The following PPFIA2 variants were observed in gnomAD, a reference collection of about 807,000 sequenced individuals.
The protein encoded by PPFIA2 is PPFI scaffold protein A2.
In PPFIA2, 46 loss-of-function variants were observed where a neutral mutation model predicts 175.5. The observed-to-expected ratio is 0.26, with a 90% CI of 0.21 to 0.34. The LOEUF is 0.34. PPFIA2 is among the 10% of genes least tolerant of loss of function. PPFIA2 has a pLI of 1.00. For missense variants in PPFIA2, 1,179 were observed against 1,506.1 expected (o/e 0.78, Z 3.60); for synonymous variants, 568 against 511.4 (o/e 1.11, Z -1.49).
In PPFIA2 at chr12:81,450,994, A is replaced by T. The variant is rs149793492; in HGVS notation, c.406-5274T>A. 2.6e-4 allele frequency among the ~76,000 whole-genome samples: 40 copies of T among 152,254 alleles called. No individual in the cohort carries two copies. The East Asian group carries it at 7.0e-3, about 27-fold the overall frequency. ...AGTTTCTTTCTTGGAATAGCTATGG[A>T]TCCATGTATGTAAGTCCAGAAACCA... On this transcript the variant is annotated intron_variant, in intron 5 of 32. Coordinates refer to ENST00000549396, the MANE Select transcript of PPFIA2 (RefSeq NM_003625.5).
chr12:81,648,524 T>C (rs969088384), intron 4 of PPFIA2, among the ~76,000 whole-genome samples: 2 of 151,944 alleles, frequency 1.3e-5, no homozygotes, highest in African/African-American at 4.8e-5. Context: ...TATTCCATAT[T>C]CATGGATCAG....
intron 4 of PPFIA2, among the ~76,000 whole-genome samples, chr12:81,648,486 T>A (rs1389609413): frequency 1.3e-5 from 2 of 151,814 alleles, no homozygotes; most frequent in African/African-American, 2.4e-5. Context: ...TTTGAGAAAA[T>A]TTTAAAAGAC....
intron 30 of PPFIA2, among the ~76,000 whole-genome samples, chr12:81,265,291 C>CAAAAAAAAAAA (rs571821814): frequency 2.9e-5 from 2 of 69,988 alleles, no homozygotes; most frequent in African/African-American, 1.3e-4. Flanking sequence ...GAAACTCTGT[C>CAAAAAAAAAAA]AAAAAAAAAA....
At chr12:81,421,461 TA>T (rs1351316786) in intron 7 of PPFIA2, among the ~76,000 whole-genome samples, 1 of 151,840 alleles carries the variant, frequency 6.6e-6, no homozygotes, top group Admixed American at 6.6e-5. Flanking sequence ...GCTATTAACT[TA>T]AAAAAGACTG....
chr12:81,753,403 C>T (rs2084144890), intron 3 of PPFIA2, among the ~76,000 whole-genome samples: 1 of 151,282 alleles, frequency 6.6e-6, no homozygotes, highest in African/African-American at 2.4e-5. Context: ...TTAACTTTTT[C>T]CCTTTCACCA....
At chr12:81,349,471 G>A (rs1021322187) in intron 17 of PPFIA2, among the ~76,000 whole-genome samples, 1 of 152,038 alleles carries the variant, frequency 6.6e-6, no homozygotes, top group South Asian at 2.1e-4. Context: ...TCACCCCAAG[G>A]TCAGAACTCC....
chr12:81,338,503 C>T (rs1283461275), intron 21 of PPFIA2, among the ~76,000 whole-genome samples: 1 of 151,934 alleles, frequency 6.6e-6, no homozygotes, highest in Non-Finnish European at 1.5e-5. Context: ...CTGACAATAA[C>T]TAATTATAAC....
intron 4 of PPFIA2, among the ~76,000 whole-genome samples, chr12:81,618,559 C>T (rs1366897595): frequency 1.8e-5 from 2 of 112,028 alleles, no homozygotes; most frequent in African/African-American, 3.6e-5. Flanking sequence ...GATGGAGTGT[C>T]GCTCTGTCGC....
intron 5 of PPFIA2, among the ~76,000 whole-genome samples, chr12:81,447,091 G>A (rs537626685): frequency 6.6e-6 from 1 of 151,996 alleles, no homozygotes; most frequent in African/African-American, 2.4e-5. Flanking sequence ...GAGGTCAGGA[G>A]ATCGAGACCA....
In PPFIA2 at chr12:81,758,427, T is replaced by C. The variant is rs2153671968; in HGVS notation, c.-30A>G. ...AATGTCTGTGATTTCGGGTCCTTGC[T>C]TCTTCAATTGATCAATGACAACCGC... On this transcript the variant is annotated 5_prime_UTR_variant, in exon 2 of 33. Coordinates refer to ENST00000549396, the MANE Select transcript of PPFIA2 (RefSeq NM_003625.5). 2.2e-6 allele frequency: 1 copy of C among 456,606 alleles called. No individual in the cohort carries two copies. Among genetic ancestry groups the C allele is most frequent in the South Asian group, 1.5e-5 (1 of 64,568 alleles). 28.3% of individuals were successfully genotyped at this position (456,606 alleles called of 1,614,324 possible).
At chr12:81,567,858 T>C (rs763159246) in intron 4 of PPFIA2, among the ~76,000 whole-genome samples, 1 of 152,190 alleles carries the variant, frequency 6.6e-6, no homozygotes, top group Non-Finnish European at 1.5e-5. Context: ...TTATTGAACC[T>C]CGGTGGAAAA....
chr12:81,680,441 C>T (rs939135159), intron 3 of PPFIA2, among the ~76,000 whole-genome samples: 8 of 151,800 alleles, frequency 5.3e-5, no homozygotes, highest in Admixed American at 4.6e-4. Context: ...GACTCCAAAC[C>T]TGTATTTTTT....
chr12:81,458,202 C>A (rs146224295), intron 4 of PPFIA2, among the ~76,000 whole-genome samples: 2 of 152,236 alleles, frequency 1.3e-5, no homozygotes, highest in African/African-American at 4.8e-5. Flanking sequence ...CTCCCAAAAT[C>A]TTACACTTTA....
At chr12:81,477,076 G>C (rs2057569180) in intron 4 of PPFIA2, among the ~76,000 whole-genome samples, 1 of 152,090 alleles carries the variant, frequency 6.6e-6, no homozygotes, top group South Asian at 2.1e-4. Context: ...GGGGAAGGGA[G>C]AGCATCAGGA....
Position 81,468,593 on chromosome 12 carries a change from T to C in PPFIA2, c.304-10727A>G, listed in dbSNP as rs117454026. 3.5e-3 allele frequency among the ~76,000 whole-genome samples: 537 copies of C among 152,198 alleles called. 2 individuals carry two copies. Among genetic ancestry groups the C allele is most frequent in the Non-Finnish European group, 6.1e-3 (417 of 68,020 alleles). On this transcript the variant is annotated intron_variant, in intron 4 of 32. Transcript: ENST00000549396. ...ATAGCATTCGAGCTGAATATTTAAA[T>C]CTCCCAACATAGCTCAACAAAGCTC...
intron 4 of PPFIA2, among the ~76,000 whole-genome samples, chr12:81,616,015 G>A (rs1465958234): frequency 6.6e-6 from 1 of 152,128 alleles, no homozygotes; most frequent in Non-Finnish European, 1.5e-5. Context: ...TGGAAAGGCA[G>A]AGCATGTGGG....
chr12:81,364,571 T>C (rs1276691028), intron 14 of PPFIA2, among the ~76,000 whole-genome samples: 1 of 151,706 alleles, frequency 6.6e-6, no homozygotes, highest in Non-Finnish European at 1.5e-5. Context: ...TTAATTTTTA[T>C]TTTTGTAAAG....
chr12:81,606,050 TGTAA>T (rs1258180643), intron 4 of PPFIA2, among the ~76,000 whole-genome samples: 1 of 151,964 alleles, frequency 6.6e-6, no homozygotes. Flanking sequence ...AGCTTCCACT[TGTAA>T]GTGAGAAAAT....
intron 4 of PPFIA2, among the ~76,000 whole-genome samples, chr12:81,523,191 G>A (rs2063354153): frequency 6.6e-6 from 1 of 152,232 alleles, no homozygotes; most frequent in South Asian, 2.1e-4. Context: ...AAGAAGAAGA[G>A]TTTTGCTAAA....
Sources: gnomAD v4.1 joint callset for allele counts (sites outside exome capture counted in the v4.1 genomes callset) on GRCh38, gnomAD v4.1.1 for gene constraint, MANE v1.5 for transcripts, NCBI Gene and HGNC (gene_info 2026-07-23, HGNC 2026-07-21) for gene names.